The following KAZN variants were observed in gnomAD, a reference collection of about 807,000 sequenced individuals.
The protein encoded by KAZN is kazrin.
KAZN carries 40 observed loss-of-function variants against 87.4 expected under a neutral mutation model. The observed-to-expected ratio is 0.46, with a 90% CI of 0.36 to 0.60. KAZN has a LOEUF of 0.60. Ranked by LOEUF, KAZN falls within the 20% of genes least tolerant of loss-of-function variation. The pLI, the probability that KAZN is intolerant of heterozygous loss-of-function variation, is 0.00. For synonymous variants in KAZN, 466 were observed against 458.3 expected (o/e 1.02, Z -0.22); for missense variants, 898 against 1,073.9 (o/e 0.84, Z 2.29).
chr1:14,566,826 T>C lies in KAZN; in HGVS notation c.250-32157T>C, dbSNP rs149356272. Among the ~76,000 whole-genome samples the C allele has an allele frequency of 1.3e-4, 20 of 152,362 alleles. No individual in the cohort carries two copies. In the East Asian group the frequency reaches 2.3e-3, roughly 18 times the overall value. ...CAGCTTCCTCCCATCTCAGCCTTCA[T>C]TGAATTAAAAAGACTCAGGGTCTTG... On this transcript the variant is annotated intron_variant, in intron 2 of 16. Coordinates refer to the KAZN transcript ENST00000636203.
intron 1 of KAZN, among the ~76,000 whole-genome samples, chr1:14,163,971 G>T (rs184018045): frequency 6.6e-6 from 1 of 152,094 alleles, no homozygotes; most frequent in Admixed American, 6.6e-5. Flanking sequence ...ATCTTCTGAG[G>T]GTACTTTAGG....
intron 1 of KAZN, among the ~76,000 whole-genome samples, chr1:14,176,609 C>T (rs777046138): frequency 6.6e-6 from 1 of 152,160 alleles, no homozygotes; most frequent in Non-Finnish European, 1.5e-5. Context: ...AAGCTCCCCT[C>T]TAGCCCAGGA....
intron 2 of KAZN, among the ~76,000 whole-genome samples, chr1:14,194,928 C>A (rs1259261940): frequency 3.3e-5 from 5 of 152,050 alleles, no homozygotes; most frequent in East Asian, 1.9e-4. Context: ...TGTGGGACAA[C>A]CCTGTTTATC....
At chr1:14,055,450 T>C (rs1642508873) in intron 1 of KAZN, among the ~76,000 whole-genome samples, 2 of 152,150 alleles carry the variant, frequency 1.3e-5, no homozygotes, top group African/African-American at 4.8e-5. Flanking sequence ...CGCATGTTGA[T>C]TGGGTCTGTG....
At chr1:13,924,523 G>A (rs1640195540) in intron 1 of KAZN, among the ~76,000 whole-genome samples, 1 of 152,172 alleles carries the variant, frequency 6.6e-6, no homozygotes, top group South Asian at 2.1e-4. Flanking sequence ...AAGTCAAGCT[G>A]GGAACCGCTT....
intron 1 of KAZN, among the ~76,000 whole-genome samples, chr1:14,077,870 G>GT (rs1467485568): frequency 2.0e-5 from 3 of 152,154 alleles, no homozygotes; most frequent in African/African-American, 4.8e-5. Context: ...AGGGATTGGA[G>GT]TGATGCATCT....
intron 1 of KAZN, among the ~76,000 whole-genome samples, chr1:14,908,561 C>T (rs72871818): frequency 6.6e-6 from 1 of 152,030 alleles, no homozygotes; most frequent in East Asian, 1.9e-4. Flanking sequence ...AAGAAAGAAA[C>T]AAGAAGAAAA....
rs557080291 is a variant in KAZN at position 14,921,103 on chromosome 1, C to T, written c.227-39581C>T. ...GGGCAGCCTGGGAACCTCCAGAAAA[C>T]TGGAGAAGCTGGACCCCACTGCCAT... On this transcript the variant is annotated intron_variant, in intron 1 of 14. Transcript: ENST00000376030. Among the ~76,000 whole-genome samples, 5 of 151,696 alleles carry T rather than the reference C, an allele frequency of 3.3e-5. No homozygotes were observed. The East Asian group carries it at 9.7e-4, about 29-fold the overall frequency.
intron 1 of KAZN, among the ~76,000 whole-genome samples, chr1:14,835,055 C>T (rs1317816371): frequency 6.6e-6 from 1 of 152,214 alleles, no homozygotes; most frequent in Non-Finnish European, 1.5e-5. Context: ...GGCTTTGAAA[C>T]AGTTTGTCAT....
chr1:14,086,482 CT>C (rs1016004341), intron 1 of KAZN, among the ~76,000 whole-genome samples: 1 of 152,100 alleles, frequency 6.6e-6, no homozygotes, highest in Admixed American at 6.5e-5. Context: ...TATGGTTTGC[CT>C]TTTCATTTTC....
intron 10 of KAZN, among the ~76,000 whole-genome samples, chr1:15,100,749 A>T (rs1384170636): frequency 1.1e-4 from 16 of 152,250 alleles, no homozygotes; most frequent in Admixed American, 1.0e-3. Flanking sequence ...TCTGACTCCA[A>T]GATGAGCCAC....
intron 2 of KAZN, among the ~76,000 whole-genome samples, chr1:14,497,068 G>A (rs1669980966): frequency 1.3e-5 from 2 of 151,964 alleles, no homozygotes; most frequent in Admixed American, 6.6e-5. Flanking sequence ...TCAATCTACT[G>A]GTATTGAATA....
At chr1:14,791,354 C>T (rs1407807339) in intron 1 of KAZN, among the ~76,000 whole-genome samples, 1 of 152,206 alleles carries the variant, frequency 6.6e-6, no homozygotes, top group Non-Finnish European at 1.5e-5. Context: ...CTCCACTTGC[C>T]CCTTCTTCTG....
At chr1:14,929,200 A>G (rs1016243608) in intron 1 of KAZN, among the ~76,000 whole-genome samples, 2 of 152,352 alleles carry the variant, frequency 1.3e-5, no homozygotes, top group South Asian at 4.1e-4. Context: ...GGGAATTCCT[A>G]TTCCTCTAGA....
At chr1:14,363,967 A>ATTT (rs34042579) in intron 2 of KAZN, among the ~76,000 whole-genome samples, 2,517 of 145,828 alleles carry the variant, frequency 0.017, 59 homozygotes, top group African/African-American at 0.06. Context: ...TACTCACAAT[A>ATTT]TTTTTTTTTT....
chr1:14,604,298 C>T (rs79996921), intron 1 of KAZN, among the ~76,000 whole-genome samples: 1 of 152,134 alleles, frequency 6.6e-6, no homozygotes, highest in Non-Finnish European at 1.5e-5. Flanking sequence ...TTTCCCGAAG[C>T]CAACAGGGTG....
intron 1 of KAZN, among the ~76,000 whole-genome samples, chr1:14,926,905 A>G (rs530985546): frequency 6.6e-6 from 1 of 152,228 alleles, no homozygotes; most frequent in African/African-American, 2.4e-5. Flanking sequence ...GGGAAGGGAA[A>G]AGATAGAGGG....
chr1:13,984,716 A>G (rs1426179994), intron 1 of KAZN, among the ~76,000 whole-genome samples: 1 of 152,204 alleles, frequency 6.6e-6, no homozygotes, highest in African/African-American at 2.4e-5. Context: ...TGTCTTATTT[A>G]TATGTTCAGT....
chr1:15,101,884 C>G, intron 11 of KAZN, 110 bp downstream of exon 11: 1 of 698,726 alleles, frequency 1.4e-6, no homozygotes, highest in South Asian at 1.7e-5. Flanking sequence ...CATCTGTCCA[C>G]CCATCCATCC....
Sources: gnomAD v4.1 joint callset for allele counts (sites outside exome capture counted in the v4.1 genomes callset) on GRCh38, gnomAD v4.1.1 for gene constraint, MANE v1.5 for transcripts, NCBI Gene and HGNC (gene_info 2026-07-23, HGNC 2026-07-21) for gene names.